The following TTBK1 variants were observed in gnomAD, a reference collection of about 807,000 sequenced individuals.
TTBK1 encodes the protein tau tubulin kinase 1.
Under a neutral mutation model 108.5 loss-of-function variants are expected in TTBK1, and 34 were observed. The ratio of observed to expected loss-of-function variants is 0.31; its 90% CI spans 0.24 to 0.42. The LOEUF (loss-of-function observed/expected upper bound fraction) is 0.42. Among genes scored for constraint, TTBK1 ranks in the 10% least tolerant of loss-of-function variants. TTBK1 has a pLI of 1.00. For missense variants in TTBK1, 1,539 were observed against 1,826.0 expected (o/e 0.84, Z 2.86); for synonymous variants, 809 against 795.1 (o/e 1.02, Z -0.29).
At position 43,269,593 on chromosome 6, in the gene TTBK1, G is replaced by A. The variant is rs760020642; in HGVS notation, c.1986+6243G>A. The A allele has an allele frequency of 6.5e-7, 1 of 1,550,168 alleles. No individual in the cohort carries two copies. The highest frequency in any genetic ancestry group is 1.8e-5 in the Admixed American group (1 of 55,908). ...GGGTGGCCCCGGAGACGGAGCTGTC[G>A]AGTCTGTGCCTGACACCTCTTTTCC... is the stretch of plus-strand genomic sequence containing the variant. On this transcript the variant is annotated intron_variant, in intron 13 of 14. Transcript: ENST00000259750. The surrounding 1 kb of genome is among the most constrained non-coding windows in gnomAD (Gnocchi z 4.8).
chr6:43,264,285 A>C (rs1448861280), intron 13 of TTBK1, among the ~76,000 whole-genome samples: 1 of 152,164 alleles, frequency 6.6e-6, no homozygotes, highest in African/African-American at 2.4e-5. Flanking sequence ...TGGGAGGCTG[A>C]GGCATGAGAA....
Position 43,283,126 on chromosome 6 carries a change from A to G in TTBK1, c.2386A>G (p.Ser796Gly), listed in dbSNP as rs1289408530. ...CTCCAGCAGTGAGGGGAGTGAGAGG[A>G]GCACTGACCGGAGCCAGGAGGGTGC... ...SGSSSEGSER[S>G]TDRSQEGAPS... The change falls in exon 14 of 15, where the codon AGC becomes GGC. Residue 796 changes from serine (S) to glycine (G), a missense_variant. Around this residue, in one of 5 missense-constraint regions of TTBK1, gnomAD observed 1,055 missense variants for 1,086.5 expected, o/e 0.97. Coordinates refer to ENST00000259750, the MANE Select transcript of TTBK1 (RefSeq NM_032538.3). This position sits in a 1 kb window ranked among gnomAD's most constrained non-coding sequence, Gnocchi z 8.1. 4 of 1,575,634 alleles carry G rather than the reference A, an allele frequency of 2.5e-6. No homozygotes were observed. Among genetic ancestry groups the G allele is most frequent in the Non-Finnish European group, 2.6e-6 (3 of 1,161,468 alleles).
At chr6:43,251,677 C>G (rs1010305290) in intron 2 of TTBK1, among the ~76,000 whole-genome samples, 1 of 152,194 alleles carries the variant, frequency 6.6e-6, no homozygotes, top group Non-Finnish European at 1.5e-5. Flanking sequence ...CCGCCTTTCT[C>G]ACGCCTGCTT....
At chr6:43,264,532 C>A (rs1299581780) in intron 13 of TTBK1, among the ~76,000 whole-genome samples, 1 of 152,020 alleles carries the variant, frequency 6.6e-6, no homozygotes, top group Non-Finnish European at 1.5e-5. Flanking sequence ...GTGATGTTAC[C>A]CAAAAGGACT....
intron 13 of TTBK1, among the ~76,000 whole-genome samples, chr6:43,274,723 C>T (rs569292197): frequency 6.6e-6 from 1 of 152,108 alleles, no homozygotes; most frequent in South Asian, 2.1e-4. Context: ...ATACAGTCAG[C>T]CCCTGAAAAT....
At chr6:43,275,380 G>C (rs1377157328) in intron 13 of TTBK1, among the ~76,000 whole-genome samples, 1 of 151,392 alleles carries the variant, frequency 6.6e-6, no homozygotes, top group Non-Finnish European at 1.5e-5. Context: ...CCCCGCCTTC[G>C]CGCCCGTTTT....
In TTBK1 at chr6:43,285,118, C is replaced by A. The variant is rs768943101; in HGVS notation, c.3708C>A (p.Pro1236=). Residue 1236 remains proline (P), a synonymous_variant, in exon 15 of 15, where the codon CCC becomes CCA. Coordinates refer to ENST00000259750, the MANE Select transcript of TTBK1 (RefSeq NM_032538.3). This position sits in a 1 kb window ranked among gnomAD's most constrained non-coding sequence, Gnocchi z 4.7. The part of the protein sequence containing the change: ...RPPAPRSPRL[P]ASTSAARNAS... ...CAGCGCCGCGCAGCCCGCGCCTCCCCGCGTCCACATCCGCCGCGCGCAATG... is the reference window on the plus strand; with the variant it reads ...CAGCGCCGCGCAGCCCGCGCCTCCCAGCGTCCACATCCGCCGCGCGCAATG... 1.8e-4 allele frequency: 268 copies of A among 1,468,906 alleles called. No individual in the cohort carries two copies. Among genetic ancestry groups the A allele is most frequent in the Non-Finnish European group, 2.3e-4 (255 of 1,117,684 alleles). 91.0% of individuals were successfully genotyped at this position (1,468,906 alleles called of 1,614,324 possible). A position where few individuals can be genotyped will look rare whatever the true frequency, so the allele number is the denominator to read the frequency against.
At position 43,257,248 on chromosome 6, in the gene TTBK1, C is replaced by T. The variant is rs1777406374; in HGVS notation, c.862-564C>T. 1.3e-5 allele frequency among the ~76,000 whole-genome samples: 2 copies of T among 152,220 alleles called. No individual in the cohort carries two copies. The highest frequency in any genetic ancestry group is 1.3e-4 in the Admixed American group (2 of 15,282). On this transcript the variant is annotated intron_variant, in intron 9 of 14. Transcript: ENST00000259750. This position sits in a 1 kb window ranked among gnomAD's most constrained non-coding sequence, Gnocchi z 4.5. ...ATCTTGGCTTAGCCTCATGGGATCC[C>T]CAAAGCCACACAGCTGCGAGCACCC... is the stretch of plus-strand genomic sequence containing the variant.
At chr6:43,260,090 G>T (rs1327738674) in intron 12 of TTBK1, among the ~76,000 whole-genome samples, 2 of 152,160 alleles carry the variant, frequency 1.3e-5, no homozygotes, top group African/African-American at 4.8e-5. Context: ...CTTCAGCTTT[G>T]GGGGAGGGGG....
chr6:43,264,577 G>A (rs1777628142), intron 13 of TTBK1, among the ~76,000 whole-genome samples: 2 of 152,168 alleles, frequency 1.3e-5, no homozygotes, highest in African/African-American at 4.8e-5. Flanking sequence ...GAGGGCAGAA[G>A]CTGAGAGGTG....
chr6:43,269,712 G>T lies in TTBK1; in HGVS notation c.1986+6362G>T, dbSNP rs1777773270. 3 of 1,610,308 alleles carry T rather than the reference G, an allele frequency of 1.9e-6. No individual in the cohort carries two copies. Among genetic ancestry groups the T allele is most frequent in the East Asian group, 2.2e-5 (1 of 44,854 alleles). On this transcript the variant is annotated intron_variant, in intron 13 of 14. Coordinates refer to ENST00000259750, the MANE Select transcript of TTBK1 (RefSeq NM_032538.3). The surrounding 1 kb of genome is among the most constrained non-coding windows in gnomAD (Gnocchi z 4.8). ...CCCCCTGCGACGACTGGCGTCCTCC[G>T]TGTTCTCCTCCTCCACGCTGGAGAC...
intron 13 of TTBK1, among the ~76,000 whole-genome samples, chr6:43,268,710 A>G (rs1200649832): frequency 2.0e-5 from 3 of 152,328 alleles, no homozygotes; most frequent in South Asian, 4.1e-4. Context: ...ATTCTTCCAG[A>G]AGGCGATGAG....
chr6:43,271,159 G>A (rs1777823528), intron 13 of TTBK1: 1 of 985,336 alleles, frequency 1.0e-6, no homozygotes, highest in African/African-American at 1.7e-5. Flanking sequence ...TAGTGAAGTG[G>A]GTACTAGAAA....
Position 43,279,984 on chromosome 6 carries a change from T to C in TTBK1, c.1987-2743T>C, listed in dbSNP as rs1250549297. Reference sequence around the variant, plus strand: ...GCTGAGGGGACCCTAGCAACCCTGTTTGAGCCAGGTAGGGAGCTTTCTGAG... The same window carrying C: ...GCTGAGGGGACCCTAGCAACCCTGTCTGAGCCAGGTAGGGAGCTTTCTGAG... On this transcript the variant is annotated intron_variant, in intron 13 of 14. Coordinates refer to ENST00000259750, the MANE Select transcript of TTBK1 (RefSeq NM_032538.3). 5.9e-5 allele frequency among the ~76,000 whole-genome samples: 9 copies of C among 152,038 alleles called. No homozygotes were observed. The East Asian group carries it at 1.4e-3, about 23-fold the overall frequency.
At chr6:43,272,320 G>GTAC in intron 13 of TTBK1, 1 of 985,496 alleles carries the variant, frequency 1.0e-6, no homozygotes, top group Non-Finnish European at 1.2e-6. Flanking sequence ...GAACCCTGAG[G>GTAC]TACTCTAAGA....
chr6:43,285,508 G>A lies in TTBK1; in HGVS notation c.*132G>A. 8.6e-7 allele frequency: 1 copy of A among 1,163,756 alleles called. No individual in the cohort carries two copies. The highest frequency in any genetic ancestry group is 1.1e-6 in the Non-Finnish European group (1 of 930,394). The allele number at this position is 1,163,756 out of a possible 1,614,324, so 72.1% of individuals were successfully genotyped here. On this transcript the variant is annotated 3_prime_UTR_variant, in exon 15 of 15. Coordinates refer to ENST00000259750, the MANE Select transcript of TTBK1 (RefSeq NM_032538.3). This position sits in a 1 kb window ranked among gnomAD's most constrained non-coding sequence, Gnocchi z 4.7. ...CACCCGCGGCCCCAGCTTTCCGCCTGCACCCGCGAGGACGCGCGCGAGCAC... is the reference window on the plus strand; with the variant it reads ...CACCCGCGGCCCCAGCTTTCCGCCTACACCCGCGAGGACGCGCGCGAGCAC...
chr6:43,259,589 G>A lies in TTBK1; in HGVS notation c.1307G>A (p.Arg436His), dbSNP rs778738848. Reference sequence around the variant, plus strand: ...ATGGGGGTCCCCAGCTCCCCAGTGCGTGCCCCCCCAGACTCCCCCACAACC... The same window carrying A: ...ATGGGGGTCCCCAGCTCCCCAGTGCATGCCCCCCCAGACTCCCCCACAACC... ...RGMGVPSSPV[R>H]APPDSPTTPV... The change falls in exon 12 of 15, where the codon CGT (arginine) becomes CAT (histidine). Residue 436 changes from arginine (R) to histidine (H), a missense_variant. Arg to His is a conservative substitution (Grantham distance 29). Around this residue, in one of 5 missense-constraint regions of TTBK1, gnomAD observed 277 missense variants for 332.4 expected, o/e 0.83. Transcript: ENST00000259750. The surrounding 1 kb of genome is among the most constrained non-coding windows in gnomAD (Gnocchi z 6.7). The A allele has an allele frequency of 3.7e-6, 6 of 1,610,800 alleles. No individual in the cohort carries two copies. The highest frequency in any genetic ancestry group is 1.7e-5 in the Admixed American group (1 of 59,686).
In TTBK1 at chr6:43,255,616, A is replaced by G; in HGVS notation, c.707A>G (p.Gln236Arg). Reference sequence around the variant, plus strand: ...ATGCTGGTGGAGTTTGCAGTGGGCCAGCTGCCCTGGAGGAAGATCAAGGAC... The same window carrying G: ...ATGCTGGTGGAGTTTGCAGTGGGCCGGCTGCCCTGGAGGAAGATCAAGGAC... ...FYMLVEFAVG[Q>R]LPWRKIKDKE... The change falls in exon 8 of 15, where the codon CAG (glutamine) becomes CGG (arginine). Residue 236 changes from glutamine (Q) to arginine (R), a missense_variant. Transcript: ENST00000259750. The G allele has an allele frequency of 6.2e-7, 1 of 1,614,060 alleles. No homozygotes were observed. The highest frequency in any genetic ancestry group is 8.5e-7 in the Non-Finnish European group (1 of 1,179,972).
At chr6:43,255,304 AC>A (rs1399732917) in intron 7 of TTBK1, among the ~76,000 whole-genome samples, 190 bp downstream of exon 7, 3 of 150,840 alleles carry the variant, frequency 2.0e-5, no homozygotes, top group African/African-American at 7.3e-5. Flanking sequence ...TGTTTCGGAA[AC>A]CCCATCCTCT....
Sources: gnomAD v4.1 joint callset for allele counts (sites outside exome capture counted in the v4.1 genomes callset) on GRCh38, gnomAD v4.1.1 for gene constraint, gnomAD v4.1.1 regional missense constraint, Gnocchi (gnomAD v3.1) non-coding constraint, MANE v1.5 for transcripts, NCBI Gene and HGNC (gene_info 2026-07-23, HGNC 2026-07-21) for gene names.